The following UNC5D variants were observed in gnomAD, a reference collection of about 807,000 sequenced individuals.
UNC5D encodes the protein netrin receptor UNC5D.
Under a neutral mutation model 105.4 loss-of-function variants are expected in UNC5D, and 39 were observed. The observed-to-expected ratio is 0.37, with a 90% CI of 0.29 to 0.48. The LOEUF (loss-of-function observed/expected upper bound fraction) is 0.48, where lower values mean the gene tolerates loss of function less well. Ranked by LOEUF, UNC5D falls within the 20% of genes least tolerant of loss-of-function variation. The probability of loss-of-function intolerance (pLI) is 0.98; values close to 1 mark genes in which losing one functional copy is unlikely to be tolerated. For missense variants in UNC5D, 991 were observed against 1,202.4 expected, an observed-to-expected ratio of 0.82 and a Z score of 2.60; for synonymous variants, 452 against 450.4, an observed-to-expected ratio of 1.00 and a Z score of -0.04.
At chr8:35,575,080 T>A (rs774765992) in intron 3 of UNC5D, among the ~76,000 whole-genome samples, 15 of 152,180 alleles carry the variant, frequency 9.9e-5, no homozygotes, top group Non-Finnish European at 1.8e-4. Context: ...ATTTCATAAA[T>A]TCTAAGTGTC....
At chr8:35,321,640 T>A (rs1809753422) in intron 1 of UNC5D, among the ~76,000 whole-genome samples, 1 of 152,130 alleles carries the variant, frequency 6.6e-6, no homozygotes, top group African/African-American at 2.4e-5. Flanking sequence ...AATGTACAAA[T>A]ACAGTCCTCT....
At chr8:35,642,475 C>G (rs1822802331) in intron 4 of UNC5D, among the ~76,000 whole-genome samples, 1 of 151,886 alleles carries the variant, frequency 6.6e-6, no homozygotes, top group Non-Finnish European at 1.5e-5. Flanking sequence ...CTCTCTTACC[C>G]AAGTCTGAAC....
chr8:35,520,735 GA>G (rs1813407788), intron 1 of UNC5D, among the ~76,000 whole-genome samples: 1 of 151,666 alleles, frequency 6.6e-6, no homozygotes, highest in Non-Finnish European at 1.5e-5. Flanking sequence ...GAAAAAGAAA[GA>G]AAAAAAATCC....
intron 1 of UNC5D, among the ~76,000 whole-genome samples, chr8:35,269,227 T>C (rs559388641): frequency 3.9e-5 from 6 of 152,288 alleles, no homozygotes; most frequent in South Asian, 4.1e-4. Flanking sequence ...AAAAATGATA[T>C]CTGGACTATT....
chr8:35,498,084 CA>C (rs58175711), intron 1 of UNC5D, among the ~76,000 whole-genome samples: 1,097 of 57,658 alleles, frequency 0.019, 4 homozygotes, highest in Admixed American at 0.025. Flanking sequence ...CAAAACAAAA[CA>C]AAAAAAAAAA....
At chr8:35,282,272 T>A (rs1016615863) in intron 1 of UNC5D, among the ~76,000 whole-genome samples, 1 of 152,154 alleles carries the variant, frequency 6.6e-6, no homozygotes, top group African/African-American at 2.4e-5. Flanking sequence ...TTTTGAACAA[T>A]TTCTTGTCCT....
intron 1 of UNC5D, among the ~76,000 whole-genome samples, chr8:35,258,130 A>G (rs1804210123): frequency 6.6e-6 from 1 of 152,192 alleles, no homozygotes; most frequent in South Asian, 2.1e-4. Flanking sequence ...TCTGCTTCCA[A>G]GATGATGCTT....
At chr8:35,330,534 C>T (rs1284196296) in intron 1 of UNC5D, among the ~76,000 whole-genome samples, 1 of 152,198 alleles carries the variant, frequency 6.6e-6, no homozygotes, top group Non-Finnish European at 1.5e-5. Context: ...TGCATTATTC[C>T]AGCTGATCTT....
At chr8:35,602,646 T>A (rs1819970806) in intron 4 of UNC5D, among the ~76,000 whole-genome samples, 1 of 152,226 alleles carries the variant, frequency 6.6e-6, no homozygotes, top group African/African-American at 2.4e-5. Flanking sequence ...GGTGGTGATA[T>A]CCCCTTTGTC....
At chr8:35,525,138 T>G (rs541433191) in intron 1 of UNC5D, 1 of 1,605,416 alleles carries the variant, frequency 6.2e-7, no homozygotes, top group East Asian at 2.2e-5. Context: ...CAGCGCCTCC[T>G]TGGCTGGATG....
chr8:35,250,612 A>T (rs1803628263), intron 1 of UNC5D, among the ~76,000 whole-genome samples: 1 of 152,150 alleles, frequency 6.6e-6, no homozygotes, highest in African/African-American at 2.4e-5. Context: ...CTCCTGCCTC[A>T]GCCTCCCGAG....
chr8:35,642,499 A>G (rs1822804413), intron 4 of UNC5D, among the ~76,000 whole-genome samples: 1 of 144,018 alleles, frequency 6.9e-6, no homozygotes, highest in Non-Finnish European at 1.5e-5. Context: ...GAGACAAACC[A>G]TAGTCATATA....
intron 7 of UNC5D, among the ~76,000 whole-genome samples, chr8:35,695,832 T>C (rs1347023546): frequency 6.6e-6 from 1 of 151,948 alleles, no homozygotes; most frequent in Admixed American, 6.6e-5. Flanking sequence ...CCTTCTGGGT[T>C]CAAGCAATTA....
intron 1 of UNC5D, among the ~76,000 whole-genome samples, chr8:35,438,327 T>C (rs999627639): frequency 6.6e-6 from 1 of 152,076 alleles, no homozygotes; most frequent in African/African-American, 2.4e-5. Flanking sequence ...TTTAAATGAA[T>C]GTGAAAATTT....
chr8:35,269,717 T>C (rs981314371), intron 1 of UNC5D, among the ~76,000 whole-genome samples: 7 of 152,160 alleles, frequency 4.6e-5, no homozygotes, highest in African/African-American at 1.7e-4. Context: ...CCGGTTTGGG[T>C]ATGAGATGCT....
Position 35,726,460 on chromosome 8 carries a change from A to G in UNC5D, c.1612A>G (p.Thr538Ala). The G allele has an allele frequency of 1.2e-6, 2 of 1,614,138 alleles. No homozygotes were observed. Among genetic ancestry groups the G allele is most frequent in the East Asian group, 4.5e-5 (2 of 44,884 alleles). ...PYIQNLSSLP[T>A]RTELRTTGVF... The stretch of plus-strand genomic sequence containing the variant: ...CATCCAAAATCTGTCATCACTCCCC[A>G]CAAGGACAGAACTGAGGACAACTGG... The change falls in exon 10 of 17, where the codon ACA becomes GCA. Residue 538 changes from threonine (T) to alanine (A), a missense_variant. Around this residue, in one of 3 missense-constraint regions of UNC5D, gnomAD observed 944 missense variants for 1,131.6 expected, o/e 0.83. Coordinates refer to ENST00000404895, the MANE Select transcript of UNC5D (RefSeq NM_080872.4).
At chr8:35,652,739 T>C (rs759686004) in intron 4 of UNC5D, among the ~76,000 whole-genome samples, 1 of 151,876 alleles carries the variant, frequency 6.6e-6, no homozygotes, top group Non-Finnish European at 1.5e-5. Context: ...GTACATGTTA[T>C]CATCTTGAAG....
chr8:35,315,173 A>G (rs1249110183), intron 1 of UNC5D, among the ~76,000 whole-genome samples: 1 of 152,188 alleles, frequency 6.6e-6, no homozygotes, highest in East Asian at 1.9e-4. Flanking sequence ...AATGATTTAC[A>G]TATATTAACT....
intron 1 of UNC5D, among the ~76,000 whole-genome samples, chr8:35,398,016 A>G (rs1804211634): frequency 6.6e-6 from 1 of 152,150 alleles, no homozygotes; most frequent in South Asian, 2.1e-4. Context: ...CTCCAAATTC[A>G]CCAGGCTCTC....
Sources: gnomAD v4.1 joint callset for allele counts (sites outside exome capture counted in the v4.1 genomes callset) on GRCh38, gnomAD v4.1.1 for gene constraint, gnomAD v4.1.1 regional missense constraint, MANE v1.5 for transcripts, NCBI Gene and HGNC (gene_info 2026-07-23, HGNC 2026-07-21) for gene names.